Variants in PDSS2 observed in about 807,000 individuals in gnomAD.
The protein encoded by PDSS2 is decaprenyl diphosphate synthase subunit 2.
PDSS2 carries 31 observed loss-of-function variants against 44.5 expected under a neutral mutation model. The ratio of observed to expected loss-of-function variants is 0.70; its 90% confidence interval spans 0.52 to 0.94. PDSS2 has a LOEUF of 0.94. Ranked by LOEUF, PDSS2 falls within the 40% of genes least tolerant of loss-of-function variation. The probability of loss-of-function intolerance (pLI) is 0.00; values close to 1 mark genes in which losing one functional copy is unlikely to be tolerated. For missense variants in PDSS2, 452 were observed against 482.2 expected (o/e 0.94, Z 0.59); for synonymous variants, 157 against 180.3 (o/e 0.87, Z 1.03).
chr6:107,353,456 CT>C (rs561087164), intron 1 of PDSS2, among the ~76,000 whole-genome samples: 15 of 152,260 alleles, frequency 9.9e-5, no homozygotes, highest in African/African-American at 2.9e-4. Flanking sequence ...AAGCCAATTA[CT>C]CTCCTTCTGT....
chr6:107,429,904 ATATATATATATATATATATATAT>A lies in PDSS2; in HGVS notation c.296+29063_296+29085del, dbSNP rs1781133352. ...AGTCTCAAAAAAAAAAAAAAAAAAT[ATATATATATATATATATATATAT>A]ATATATATATACACCAAACCCAGAA... On this transcript the variant is annotated intron_variant, in intron 1 of 7. Coordinates refer to ENST00000369037, the MANE Select transcript of PDSS2 (RefSeq NM_020381.4). Among the ~76,000 whole-genome samples, 51 of 33,380 alleles carry A rather than the reference ATATATATATATATATATATATAT, an allele frequency of 1.5e-3. 3 individuals are homozygous for A. Among genetic ancestry groups the A allele is most frequent in the African/African-American group, 3.5e-3 (40 of 11,322 alleles). 21.9% of individuals were successfully genotyped at this position (33,380 alleles called of 152,430 possible). A position where few individuals can be genotyped will look rare whatever the true frequency, so the allele number is the denominator to read the frequency against.
chr6:107,183,177 ACTCCAGC>A (rs1772044156), intron 7 of PDSS2, among the ~76,000 whole-genome samples: 1 of 149,380 alleles, frequency 6.7e-6, no homozygotes, highest in Non-Finnish European at 1.5e-5. Flanking sequence ...ATGCCACTGC[ACTCCAGC>A]CTGGGTGACA....
At chr6:107,388,541 C>T (rs892107561) in intron 1 of PDSS2, among the ~76,000 whole-genome samples, 2 of 151,848 alleles carry the variant, frequency 1.3e-5, no homozygotes, top group African/African-American at 2.4e-5. Context: ...CTCCGCCTCC[C>T]GGGTTCACGC....
intron 4 of PDSS2, among the ~76,000 whole-genome samples, chr6:107,235,217 AAGAGAGAGCTGC>A (rs1425948317): frequency 6.6e-6 from 1 of 152,192 alleles, no homozygotes; most frequent in African/African-American, 2.4e-5. Context: ...AGTACACAAG[AAGAGAGAGCTGC>A]AGAGAGAGCT....
chr6:107,220,043 T>A (rs899439885), intron 4 of PDSS2, among the ~76,000 whole-genome samples: 1 of 152,122 alleles, frequency 6.6e-6, no homozygotes, highest in South Asian at 2.1e-4. Flanking sequence ...ATTCCATTGA[T>A]GTGAAATGTA....
rs113181786 is a variant in PDSS2, at chr6:107,428,793, C to T, written c.296+30197G>A. On this transcript the variant is annotated intron_variant, in intron 1 of 7. Transcript: ENST00000369037. ...CTGAGGCTGTTGTGAGCTGTGACTACGCTACAGCACTCCAACCTGGGCAAC... is the reference window on the plus strand; with the variant it reads ...CTGAGGCTGTTGTGAGCTGTGACTATGCTACAGCACTCCAACCTGGGCAAC... Among the ~76,000 whole-genome samples the T allele has an allele frequency of 2.7e-3, 413 of 152,174 alleles. 4 individuals carry two copies. The highest frequency in any genetic ancestry group is 9.6e-3 in the African/African-American group (400 of 41,518).
At chr6:107,412,397 C>A (rs1252396079) in intron 1 of PDSS2, among the ~76,000 whole-genome samples, 1 of 151,900 alleles carries the variant, frequency 6.6e-6, no homozygotes, top group Non-Finnish European at 1.5e-5. Flanking sequence ...CGCCACCATG[C>A]CCAGCTAATT....
chr6:107,276,114 C>CAAAAAAA (rs57590944), intron 2 of PDSS2, among the ~76,000 whole-genome samples: 4 of 90,100 alleles, frequency 4.4e-5, no homozygotes, highest in Admixed American at 3.0e-4. Flanking sequence ...GACCCTATCT[C>CAAAAAAA]AAAAAAAAGG....
At chr6:107,203,837 C>A (rs1772876205) in intron 6 of PDSS2, among the ~76,000 whole-genome samples, 1 of 152,162 alleles carries the variant, frequency 6.6e-6, no homozygotes, top group African/African-American at 2.4e-5. Flanking sequence ...CAACCCTGGG[C>A]AACCACCAGT....
At chr6:107,376,341 A>T (rs951029871) in intron 1 of PDSS2, among the ~76,000 whole-genome samples, 143 of 151,896 alleles carry the variant, frequency 9.4e-4, no homozygotes, top group Non-Finnish European at 1.2e-3. Context: ...GAATCTATAA[A>T]TTACCTTGGG....
chr6:107,363,767 C>T (rs1028051996), intron 1 of PDSS2, among the ~76,000 whole-genome samples: 41 of 152,100 alleles, frequency 2.7e-4, no homozygotes, highest in African/African-American at 8.7e-4. Flanking sequence ...TTTGTCAGGG[C>T]GCTGATTGGT....
At chr6:107,364,220 TGCCAGTCCTGC>T (rs1291040246) in intron 1 of PDSS2, among the ~76,000 whole-genome samples, 3 of 152,204 alleles carry the variant, frequency 2.0e-5, no homozygotes, top group Non-Finnish European at 4.4e-5. Context: ...TGGAGCTGCC[TGCCAGTCCTGC>T]GCCGTGCGCT....
intron 4 of PDSS2, chr6:107,229,653 C>G (rs1298251720): frequency 1.3e-5 from 2 of 152,214 alleles, no homozygotes; most frequent in Admixed American, 6.5e-5. Flanking sequence ...AAGCCCCGAT[C>G]TTCCATTGTT....
chr6:107,255,350 G>A (rs13218068), intron 3 of PDSS2, among the ~76,000 whole-genome samples: 34,200 of 151,392 alleles, frequency 0.23, 4,460 homozygotes, highest in East Asian at 0.46. Flanking sequence ...CTGCTACCAC[G>A]CCTGGCTAAT....
At chr6:107,420,555 C>T (rs1419336410) in intron 1 of PDSS2, among the ~76,000 whole-genome samples, 1 of 152,032 alleles carries the variant, frequency 6.6e-6, no homozygotes, top group East Asian at 1.9e-4. Context: ...CACAAAGGTA[C>T]AAAAGTAGTT....
At chr6:107,155,662 C>A (rs1770862603) in intron 7 of PDSS2, among the ~76,000 whole-genome samples, 2 of 151,208 alleles carry the variant, frequency 1.3e-5, no homozygotes, top group Admixed American at 1.3e-4. Context: ...TCACAGCAAC[C>A]TTCGCCTCTC....
At chr6:107,410,192 A>G (rs1780445395) in intron 1 of PDSS2, among the ~76,000 whole-genome samples, 1 of 152,202 alleles carries the variant, frequency 6.6e-6, no homozygotes. Context: ...CTGAAGTTAG[A>G]AAAAGGGGAA....
At chr6:107,234,597 G>A (rs1774166618) in intron 4 of PDSS2, among the ~76,000 whole-genome samples, 4 of 151,578 alleles carry the variant, frequency 2.6e-5, no homozygotes, top group Admixed American at 2.6e-4. Context: ...CATCTTTCTG[G>A]AGCTCTTTAC....
At chr6:107,322,588 T>C (rs1332687820) in intron 2 of PDSS2, among the ~76,000 whole-genome samples, 1 of 152,006 alleles carries the variant, frequency 6.6e-6, no homozygotes, top group Non-Finnish European at 1.5e-5. Context: ...CTCATGCCTG[T>C]AATCCCAGCA....
Sources: allele counts gnomAD v4.1 joint callset (sites outside exome capture counted in the v4.1 genomes callset), GRCh38; gene constraint gnomAD v4.1.1; transcripts MANE v1.5; gene names NCBI Gene and HGNC (gene_info 2026-07-23, HGNC 2026-07-21).